Variants in PSD2 observed in about 807,000 individuals in gnomAD.
PSD2 encodes the protein pleckstrin and Sec7 domain containing 2, also known as PH and SEC7 domain-containing protein 2.
A neutral mutation model predicts 69.8 loss-of-function variants in PSD2; 38 were observed. The ratio of observed to expected loss-of-function variants is 0.54; its 90% CI spans 0.42 to 0.71. The LOEUF (loss-of-function observed/expected upper bound fraction) is 0.71, where lower values mean the gene tolerates loss of function less well. Ranked by LOEUF, PSD2 falls within the 30% of genes least tolerant of loss-of-function variation. The pLI is 0.00. For missense variants in PSD2, 943 were observed against 1,014.5 expected, an observed-to-expected ratio of 0.93 and a Z score of 0.96; for synonymous variants, 412 against 423.0, an observed-to-expected ratio of 0.97 and a Z score of 0.32.
chr5:139,804,571 T>G (rs2126928329), intron 1 of PSD2, among the ~76,000 whole-genome samples: 1 of 152,246 alleles, frequency 6.6e-6, no homozygotes, highest in East Asian at 1.9e-4. Flanking sequence ...GGGGTTTTTT[T>G]GTGCCCAACT....
At chr5:139,759,749 T>C in the PSD2 span, among the ~76,000 whole-genome samples, 30 of 152,312 alleles carry the variant, frequency 2.0e-4, no homozygotes, top group African/African-American at 6.3e-4. Context: ...TCCGTTTAAT[T>C]ATTTGTATAC....
At chr5:139,791,565 G>A (rs1386031293), upstream of PSD2, among the ~76,000 whole-genome samples, 4 of 151,944 alleles carry the variant, frequency 2.6e-5, no homozygotes, top group East Asian at 5.8e-4. Context: ...AGGTTGCAGC[G>A]AGCCATGATT....
chr5:139,838,637 A>G lies in PSD2; in HGVS notation c.1833A>G (p.Glu611=). Residue 611 remains glutamate (E), a synonymous_variant, in exon 13 of 15, where the codon GAA becomes GAG. Coordinates refer to ENST00000274710, the MANE Select transcript of PSD2 (RefSeq NM_032289.4). The part of the protein sequence containing the change: ...RVFLFQAPSK[E]EMLSWILRIN... ...CCCCTCCTGTCCCCAGGAGCAAGGA[A>G]GAAATGCTGTCCTGGATCCTCAGGA... 6.2e-7 allele frequency: 1 copy of G among 1,612,956 alleles called. No individual in the cohort carries two copies. The highest frequency in any genetic ancestry group is 1.3e-5 in the African/African-American group (1 of 74,998).
chr5:139,773,202 C>T, the PSD2 span, among the ~76,000 whole-genome samples: 1 of 152,154 alleles, frequency 6.6e-6, no homozygotes, highest in African/African-American at 2.4e-5. Flanking sequence ...AACTCCCCCA[C>T]CTCCTTTCCC....
intron 1 of PSD2, among the ~76,000 whole-genome samples, chr5:139,798,463 T>C (rs1457765271): frequency 2.0e-5 from 3 of 152,170 alleles, no homozygotes. Flanking sequence ...GAATGTCCTC[T>C]CCTCTGACTC....
At chr5:139,748,133 CA>C in the PSD2 span, among the ~76,000 whole-genome samples, 2 of 152,116 alleles carry the variant, frequency 1.3e-5, no homozygotes, top group Non-Finnish European at 2.9e-5. Context: ...CCCGGGGCCC[CA>C]GCACTGACCC....
At chr5:139,752,740 G>A in the PSD2 span, among the ~76,000 whole-genome samples, 7 of 152,100 alleles carry the variant, frequency 4.6e-5, no homozygotes, top group Non-Finnish European at 8.8e-5. Context: ...ATACACACAC[G>A]TAGGCACACA....
At chr5:139,766,077 A>G in the PSD2 span, among the ~76,000 whole-genome samples, 1 of 151,978 alleles carries the variant, frequency 6.6e-6, no homozygotes, top group African/African-American at 2.4e-5. Flanking sequence ...AAGGGAGAAC[A>G]TTGGGTAGGG....
chr5:139,777,699 C>T, the PSD2 span, among the ~76,000 whole-genome samples: 3 of 152,056 alleles, frequency 2.0e-5, no homozygotes, highest in Admixed American at 2.0e-4. Context: ...GCCTGTGCAA[C>T]ATGGCCAGAC....
At chr5:139,803,632 G>A (rs1039509091) in intron 1 of PSD2, among the ~76,000 whole-genome samples, 1 of 152,210 alleles carries the variant, frequency 6.6e-6, no homozygotes, top group Non-Finnish European at 1.5e-5. Context: ...ACACAGGAAA[G>A]GGCACTGACC....
chr5:139,798,112 G>A (rs1035071947), intron 1 of PSD2, among the ~76,000 whole-genome samples: 1 of 152,196 alleles, frequency 6.6e-6, no homozygotes. Flanking sequence ...TTATGTCTGA[G>A]GCTCCGTATT....
At chr5:139,747,717 C>T in the PSD2 span, among the ~76,000 whole-genome samples, 2 of 152,236 alleles carry the variant, frequency 1.3e-5, no homozygotes, top group South Asian at 4.1e-4. The surrounding 1 kb of genome is among the most constrained non-coding windows in gnomAD (Gnocchi z 6.7). Flanking sequence ...CAATTTATCT[C>T]GCCGCCAAAG....
At chr5:139,782,871 C>T in the PSD2 span, among the ~76,000 whole-genome samples, 8 of 152,100 alleles carry the variant, frequency 5.3e-5, no homozygotes, top group Admixed American at 3.9e-4. Flanking sequence ...CCACTTTAAC[C>T]ATTTTTAAGT....
chr5:139,812,836 G>A (rs1177238472), intron 2 of PSD2, among the ~76,000 whole-genome samples: 1 of 152,314 alleles, frequency 6.6e-6, no homozygotes, highest in Non-Finnish European at 1.5e-5. Context: ...CCTCTAGGCC[G>A]GGCTGGGGGA....
At chr5:139,816,762 G>A (rs189609231) in intron 4 of PSD2, among the ~76,000 whole-genome samples, 2 of 152,262 alleles carry the variant, frequency 1.3e-5, no homozygotes, top group South Asian at 2.1e-4. Flanking sequence ...ACCCCGATTC[G>A]GGGCTCTGGG....
At chr5:139,752,005 C>T in the PSD2 span, among the ~76,000 whole-genome samples, 9 of 151,988 alleles carry the variant, frequency 5.9e-5, no homozygotes, top group African/African-American at 2.2e-4. Flanking sequence ...GTTGTCCAGG[C>T]AGGTCTGGAA....
the PSD2 span, among the ~76,000 whole-genome samples, chr5:139,789,995 G>C: frequency 6.3e-4 from 94 of 148,280 alleles, 2 homozygotes; most frequent in Non-Finnish European, 1.2e-3. Context: ...GCACGGGGCC[G>C]GGCGGGCGCT....
chr5:139,800,703 C>T (rs1759650279), intron 1 of PSD2, among the ~76,000 whole-genome samples: 1 of 152,224 alleles, frequency 6.6e-6, no homozygotes, highest in South Asian at 2.1e-4. Context: ...CTGCCAGCGT[C>T]TGCACTCACT....
At chr5:139,781,212 G>A in the PSD2 span, among the ~76,000 whole-genome samples, 18 of 152,152 alleles carry the variant, frequency 1.2e-4, no homozygotes, top group Admixed American at 2.6e-4. Context: ...CCTTTTGCAC[G>A]GGCCTTATTC....
Sources: gnomAD v4.1 joint callset for allele counts (sites outside exome capture counted in the v4.1 genomes callset) on GRCh38, gnomAD v4.1.1 for gene constraint, Gnocchi (gnomAD v3.1) non-coding constraint, MANE v1.5 for transcripts, NCBI Gene and HGNC (gene_info 2026-07-23, HGNC 2026-07-21) for gene names.